USP30: variants seen among roughly 807,000 people sequenced by gnomAD.
USP30 encodes the protein ubiquitin specific peptidase 30.
USP30 carries 41 observed loss-of-function variants against 68.2 expected under a neutral mutation model. That is an observed-to-expected ratio of 0.60 (90% confidence interval 0.47 to 0.78). The LOEUF (loss-of-function observed/expected upper bound fraction) is 0.78, where lower values mean the gene tolerates loss of function less well. Ranked by LOEUF, USP30 falls within the 30% of genes least tolerant of loss-of-function variation. USP30 has a pLI of 0.00. For synonymous variants in USP30, 229 were observed against 253.7 expected (o/e 0.90, Z 0.93); for missense variants, 522 against 649.4 (o/e 0.80, Z 2.13).
intron 2 of USP30, among the ~76,000 whole-genome samples, chr12:109,026,778 T>C (rs1365558478): frequency 2.6e-5 from 4 of 152,108 alleles, no homozygotes; most frequent in African/African-American, 9.7e-5. Flanking sequence ...CAGAAATCCA[T>C]TTCTAACAGT....
intron 3 of USP30, among the ~76,000 whole-genome samples, chr12:109,063,846 T>G (rs1213269458): frequency 1.3e-5 from 2 of 152,052 alleles, no homozygotes; most frequent in African/African-American, 4.8e-5. Context: ...AAATGTCTGT[T>G]CAAGTCCTTT....
chr12:109,081,752 G>A (rs899358600), intron 8 of USP30, 181 bp from the exon 9 acceptor site: 19 of 640,196 alleles, frequency 3.0e-5, no homozygotes, highest in Middle Eastern at 2.6e-4. Context: ...GAATCTGTCC[G>A]TAGTAGCAGT....
upstream of USP30, among the ~76,000 whole-genome samples, chr12:109,050,621 G>A (rs1214490586): frequency 6.6e-6 from 1 of 152,168 alleles, no homozygotes; most frequent in East Asian, 1.9e-4. Context: ...TTTATAAACT[G>A]TGCTGTCCAA....
chr12:109,052,840 C>T, intron 1 of USP30, 79 bp downstream of exon 1: 1 of 1,343,200 alleles, frequency 7.4e-7, no homozygotes, highest in Non-Finnish European at 9.6e-7. Flanking sequence ...CTTTTTCATG[C>T]CCTAGTTGGG....
chr12:109,047,263 G>T (rs1218345735), intron 3 of USP30, among the ~76,000 whole-genome samples: 2 of 151,868 alleles, frequency 1.3e-5, no homozygotes, highest in African/African-American at 2.4e-5. Context: ...TCCTCTTCTG[G>T]CCTTGAGGTC....
At chr12:109,044,032 T>C (rs1253029768) in intron 3 of USP30, among the ~76,000 whole-genome samples, 1 of 152,130 alleles carries the variant, frequency 6.6e-6, no homozygotes, top group Admixed American at 6.5e-5. Context: ...TGTTCAGCCT[T>C]AAAAAGGAAG....
chr12:109,043,178 A>G (rs1161062220), intron 3 of USP30, among the ~76,000 whole-genome samples: 1 of 152,198 alleles, frequency 6.6e-6, no homozygotes, highest in Non-Finnish European at 1.5e-5. Context: ...ACCCAAAGTG[A>G]TCTGTAGAGT....
intron 1 of USP30, among the ~76,000 whole-genome samples, chr12:109,055,517 G>A (rs1200446405): frequency 7.0e-6 from 1 of 142,916 alleles, no homozygotes; most frequent in Admixed American, 7.4e-5. Context: ...ATTCTGCCTC[G>A]GCCTCCAGAG....
upstream of USP30, among the ~76,000 whole-genome samples, chr12:109,051,572 C>CTT (rs35169304): frequency 8.1e-3 from 780 of 95,996 alleles, 9 homozygotes; most frequent in Middle Eastern, 0.023. Context: ...CACCTGACCT[C>CTT]TTTTTTTTTT....
At chr12:109,080,410 G>C (rs1403825341) in intron 7 of USP30, among the ~76,000 whole-genome samples, 1 of 152,074 alleles carries the variant, frequency 6.6e-6, no homozygotes, top group African/African-American at 2.4e-5. Flanking sequence ...GTAGCTCTCC[G>C]TTCATTCAAA....
At chr12:109,044,704 T>TA (rs370250597) in intron 3 of USP30, among the ~76,000 whole-genome samples, 50 of 151,014 alleles carry the variant, frequency 3.3e-4, no homozygotes, top group Admixed American at 7.9e-4. Context: ...TTTGCCACAA[T>TA]AAAAAAAAAT....
At chr12:109,055,400 A>ACATATATATATATATATATATATATTTT (rs1555257267) in intron 1 of USP30, among the ~76,000 whole-genome samples, 3 of 24,468 alleles carry the variant, frequency 1.2e-4, no homozygotes, top group Non-Finnish European at 2.6e-4. Context: ...ATATATATAT[A>ACATATATATATATATATATATATATTTT]TTTTTTTTTT....
chr12:109,067,999 C>T (rs2041314053), intron 4 of USP30, among the ~76,000 whole-genome samples: 1 of 152,156 alleles, frequency 6.6e-6, no homozygotes, highest in African/African-American at 2.4e-5. Flanking sequence ...CTGGACCACA[C>T]CCTCATTTTT....
chr12:109,039,252 A>T (rs1245141901), intron 3 of USP30, among the ~76,000 whole-genome samples: 3 of 152,156 alleles, frequency 2.0e-5, no homozygotes, highest in Non-Finnish European at 2.9e-5. Context: ...TCTATAATTC[A>T]TTTCAAGTTA....
At chr12:109,032,901 C>T (rs1171948677) in intron 3 of USP30, among the ~76,000 whole-genome samples, 5 of 152,278 alleles carry the variant, frequency 3.3e-5, no homozygotes, top group East Asian at 1.9e-4. Flanking sequence ...TGATTTCCCC[C>T]CTCAGATTCT....
chr12:109,057,865 T>C, intron 2 of USP30, 61 bp from the exon 3 acceptor site: 1 of 1,536,818 alleles, frequency 6.5e-7, no homozygotes, highest in Non-Finnish European at 8.8e-7. Context: ...GGGTCCCACA[T>C]GGGAGAGAAA....
At position 109,075,335 on chromosome 12, in the gene USP30, G is replaced by A. The variant is rs896685669; in HGVS notation, c.720+1803G>A. Among the ~76,000 whole-genome samples, 3 of 151,948 alleles carry A rather than the reference G, an allele frequency of 2.0e-5. No individual in the cohort carries two copies. The East Asian group carries it at 5.8e-4, about 29-fold the overall frequency. ...AGAGTTGCCTTCTCTCCACACCCTC[G>A]GCAACACTTGTTACGTGCTGTCTTT... is the stretch of plus-strand genomic sequence containing the variant. On this transcript the variant is annotated intron_variant, in intron 7 of 12. Transcript: ENST00000257548.
intron 4 of USP30, among the ~76,000 whole-genome samples, chr12:109,071,026 C>G (rs566381858): frequency 4.7e-4 from 72 of 152,304 alleles, no homozygotes; most frequent in African/African-American, 1.5e-3. Context: ...ATAAGCCAGT[C>G]ACAAAGACCA....
At chr12:109,084,071 C>T (rs1566108062) in intron 11 of USP30, among the ~76,000 whole-genome samples, 1 of 152,092 alleles carries the variant, frequency 6.6e-6, no homozygotes, top group Non-Finnish European at 1.5e-5. Context: ...GTTAAAGATG[C>T]CAGCAGTAGG....
Sources: allele counts gnomAD v4.1 joint callset (sites outside exome capture counted in the v4.1 genomes callset), GRCh38; gene constraint gnomAD v4.1.1; transcripts MANE v1.5; gene names NCBI Gene and HGNC (gene_info 2026-07-23, HGNC 2026-07-21).